The following SLC25A10 variants were observed in gnomAD, a reference collection of about 807,000 sequenced individuals.
SLC25A10 encodes solute carrier family 25 member 10.
A neutral mutation model predicts 40.4 loss-of-function variants in SLC25A10; 32 were observed. The observed-to-expected ratio is 0.79, with a 90% CI of 0.60 to 1.06. The LOEUF (loss-of-function observed/expected upper bound fraction) is 1.06, where lower values mean the gene tolerates loss of function less well. Ranked by LOEUF, SLC25A10 falls within the 50% of genes least tolerant of loss-of-function variation. The pLI is 0.00. For synonymous variants in SLC25A10, 181 were observed against 171.1 expected (o/e 1.06, Z -0.45); for missense variants, 394 against 402.6 (o/e 0.98, Z 0.18).
chr17:81,715,846 C>G, intron 4 of SLC25A10, 105 bp downstream of exon 4: 1 of 1,490,578 alleles, frequency 6.7e-7, no homozygotes, highest in Non-Finnish European at 9.3e-7. Flanking sequence ...CTGGAATAAG[C>G]CACTGAGACC....
intron 2 of SLC25A10, 111 bp downstream of exon 2, chr17:81,715,183 G>C: frequency 1.4e-6 from 2 of 1,473,878 alleles, no homozygotes; most frequent in Non-Finnish European, 1.8e-6. Context: ...GGACCCACCA[G>C]GCCGAGAGCT....
At chr17:81,719,464 T>G (rs933096015) in intron 9 of SLC25A10, among the ~76,000 whole-genome samples, 1 of 152,332 alleles carries the variant, frequency 6.6e-6, no homozygotes, top group East Asian at 1.9e-4. Context: ...CCCCGCCAAC[T>G]CCATGGGGCT....
rs1490592293 is a variant in SLC25A10 at position 81,716,987 on chromosome 17, C to T, written c.464-15C>T. 4 of 1,613,372 alleles carry T rather than the reference C, an allele frequency of 2.5e-6. No individual in the cohort carries two copies. The highest frequency in any genetic ancestry group is 3.4e-6 in the Non-Finnish European group (4 of 1,179,800). On this transcript the variant is annotated splice_polypyrimidine_tract_variant and intron_variant, in intron 6 of 10. Coordinates refer to ENST00000350690, the MANE Select transcript of SLC25A10 (RefSeq NM_012140.5). ...CCCCTTGCCTCACCCCTTGCCTCAC[C>T]CCTTCCTTGTGCAGAGGGTCTCAGG...
Position 81,712,343 on chromosome 17 carries a change from G to GGGCGCGGGGCGCTGC in SLC25A10, c.-80_-66dup. The GGGCGCGGGGCGCTGC allele has an allele frequency of 1.1e-6, 1 of 951,190 alleles. No homozygotes were observed. The highest frequency in any genetic ancestry group is 1.3e-6 in the Non-Finnish European group (1 of 745,230). The allele number at this position is 951,190 out of a possible 1,614,324, so 58.9% of individuals were successfully genotyped here. On this transcript the variant is annotated 5_prime_UTR_variant, in exon 1 of 11. Coordinates refer to ENST00000350690, the MANE Select transcript of SLC25A10 (RefSeq NM_012140.5). ...CGCTTTGAACCGGGCGCGGGGCGCG[G>GGGCGCGGGGCGCTGC]GGCGCGGGGCGCTGCGGCCGGTACA...
intron 9 of SLC25A10, among the ~76,000 whole-genome samples, chr17:81,719,599 G>C (rs1005471481): frequency 6.6e-6 from 1 of 152,116 alleles, no homozygotes; most frequent in Non-Finnish European, 1.5e-5. Context: ...CTGCACCCTC[G>C]GGCCCTGGTT....
At chr17:81,719,486 A>G (rs73354169) in intron 9 of SLC25A10, among the ~76,000 whole-genome samples, 4,798 of 152,298 alleles carry the variant, frequency 0.032, 284 homozygotes, top group African/African-American at 0.11. Context: ...CCACGTTTGC[A>G]GAGCCCATAG....
At chr17:81,717,732 C>T (rs773101604) in intron 8 of SLC25A10, 52 bp from the exon 9 acceptor site, 30 of 1,580,506 alleles carry the variant, frequency 1.9e-5, no homozygotes, top group Non-Finnish European at 2.4e-5. Flanking sequence ...TGGGATTCGG[C>T]GATGGTGCCT....
At chr17:81,712,680 G>A (rs937868021) in intron 1 of SLC25A10, among the ~76,000 whole-genome samples, 161 bp downstream of exon 1, 1 of 152,198 alleles carries the variant, frequency 6.6e-6, no homozygotes, top group Non-Finnish European at 1.5e-5. Context: ...CCGATCCCGG[G>A]TGGCCCTCCA....
Position 81,716,702 on chromosome 17 carries a change from A to T in SLC25A10, c.420-110A>T, listed in dbSNP as rs1017220385. ...CCAGGGAGAGATCTTCAGGCCCATG[A>T]GGCCTCTGCTTCCTCGAGAACCCCC... is the stretch of plus-strand genomic sequence containing the variant. On this transcript the variant is annotated intron_variant, in intron 5 of 10. Coordinates refer to ENST00000350690, the MANE Select transcript of SLC25A10 (RefSeq NM_012140.5). 9 of 1,067,590 alleles carry T rather than the reference A, an allele frequency of 8.4e-6. No individual in the cohort carries two copies. The African/African-American group carries it at 1.4e-4, about 17-fold the overall frequency. The allele number at this position is 1,067,590 out of a possible 1,614,324, so 66.1% of individuals were successfully genotyped here. A position where few individuals can be genotyped will look rare whatever the true frequency, so the allele number is the denominator to read the frequency against.
chr17:81,715,721 C>G lies in SLC25A10; in HGVS notation c.357C>G (p.Pro119=). 1.2e-6 allele frequency: 2 copies of G among 1,613,340 alleles called. No homozygotes were observed. Among genetic ancestry groups the G allele is most frequent in the Non-Finnish European group, 1.7e-6 (2 of 1,179,942 alleles). The part of the protein sequence containing the change: ...SGLAGGFVGT[P]ADLVNVRMQN... ...TAGCTGGAGGCTTCGTGGGGACGCC[C>G]GCAGACTTGGTCAACGTCAGGTTGG... The change falls in exon 4 of 11, where the codon CCC becomes CCG. Residue 119 remains proline, a synonymous_variant. Coordinates refer to ENST00000350690, the MANE Select transcript of SLC25A10 (RefSeq NM_012140.5).
rs1171830056 is a variant in SLC25A10 at position 81,718,791 on chromosome 17, G to A, written c.705+930G>A. Among the ~76,000 whole-genome samples the A allele has an allele frequency of 9.0e-5, 13 of 144,966 alleles. No homozygotes were observed. In the South Asian group the frequency reaches 2.3e-3, roughly 25 times the overall value. ...GTGAAACCCCGTCTCTACTAAAAAT[G>A]CAAAAAAATTAGCTGGGCCTGGTGG... On this transcript the variant is annotated intron_variant, in intron 9 of 10. Coordinates refer to ENST00000350690, the MANE Select transcript of SLC25A10 (RefSeq NM_012140.5).
In SLC25A10 at chr17:81,714,955, G is replaced by C; in HGVS notation, c.96G>C (p.Val32=). 1 of 1,607,880 alleles carries C rather than the reference G, an allele frequency of 6.2e-7. No individual in the cohort carries two copies. The highest frequency in any genetic ancestry group is 1.1e-5 in the South Asian group (1 of 90,990). The change falls in exon 2 of 11, where the codon GTG becomes GTC. Residue 32 remains valine (V), a splice_region_variant and synonymous_variant. Transcript: ENST00000350690. Reference sequence around the variant, plus strand: ...TCTGAGAGCACTCACTCCCGCAGGTGCATCTGCAGACGCAGCAGGAGGTGA... The same window carrying C: ...TCTGAGAGCACTCACTCCCGCAGGTCCATCTGCAGACGCAGCAGGAGGTGA... ...CCTHPLDLLK[V]HLQTQQEVKL...
At chr17:81,715,805 C>T in intron 4 of SLC25A10, 64 bp downstream of exon 4, 1 of 1,592,428 alleles carries the variant, frequency 6.3e-7, no homozygotes, top group Non-Finnish European at 8.6e-7. Flanking sequence ...ATGCCAGGGC[C>T]TGCCAGGGCT....
intron 9 of SLC25A10, 82 bp from the exon 10 acceptor site, chr17:81,719,749 C>T: frequency 6.4e-7 from 1 of 1,555,698 alleles, no homozygotes; most frequent in East Asian, 2.3e-5. Context: ...GCCACCGTGC[C>T]TGGCTGGTGC....
chr17:81,715,169 G>A, intron 2 of SLC25A10, 97 bp downstream of exon 2: 3 of 1,515,738 alleles, frequency 2.0e-6, no homozygotes, highest in Non-Finnish European at 2.7e-6. Flanking sequence ...CTTTGTGCAA[G>A]GAAGGACCCA....
chr17:81,712,623 G>C, intron 1 of SLC25A10, 104 bp downstream of exon 1: 4 of 841,344 alleles, frequency 4.8e-6, no homozygotes. Context: ...CGCCGCGCCC[G>C]GGGCTCCCTC....
chr17:81,719,950 C>T, intron 10 of SLC25A10, 26 bp from the exon 11 acceptor site: 1 of 1,613,674 alleles, frequency 6.2e-7, no homozygotes. Flanking sequence ...GGCTCTGTGT[C>T]TCTCATTTTC....
chr17:81,714,905 C>T (rs2037451865), intron 1 of SLC25A10, 48 bp from the exon 2 acceptor site: 2 of 1,595,498 alleles, frequency 1.3e-6, no homozygotes, highest in East Asian at 2.2e-5. Flanking sequence ...GAACCTGGCA[C>T]CGATCCCTCG....
Position 81,720,195 on chromosome 17 carries a change from G to A in SLC25A10, c.*118G>A, listed in dbSNP as rs569328044. On this transcript the variant is annotated 3_prime_UTR_variant, in exon 11 of 11. Transcript: ENST00000350690. ...CCCTGGCCGTGGCCACCCGTCCTCCGCAGCAGGCCCCTGCTGTCCCCCCAC... is the reference window on the plus strand; with the variant it reads ...CCCTGGCCGTGGCCACCCGTCCTCCACAGCAGGCCCCTGCTGTCCCCCCAC... The A allele has an allele frequency of 5.1e-5, 76 of 1,499,080 alleles. No individual in the cohort carries two copies. The highest frequency in any genetic ancestry group is 1.4e-4 in the African/African-American group (10 of 71,720). 92.9% of individuals were successfully genotyped at this position (1,499,080 alleles called of 1,614,324 possible).
Sources: gnomAD v4.1 joint callset for allele counts (sites outside exome capture counted in the v4.1 genomes callset) on GRCh38, gnomAD v4.1.1 for gene constraint, MANE v1.5 for transcripts, NCBI Gene and HGNC (gene_info 2026-07-23, HGNC 2026-07-21) for gene names.